DPP10: variants seen among roughly 807,000 people sequenced by gnomAD.
DPP10 encodes the protein inactive dipeptidyl peptidase 10.
DPP10 carries 33 observed loss-of-function variants against 120.9 expected under a neutral mutation model. That is an observed-to-expected ratio of 0.27 (90% CI 0.21 to 0.37). The LOEUF (loss-of-function observed/expected upper bound fraction) is 0.37, where lower values mean the gene tolerates loss of function less well. Ranked by LOEUF, DPP10 falls within the 10% of genes least tolerant of loss-of-function variation. The pLI, the probability that DPP10 is intolerant of heterozygous loss-of-function variation, is 1.00. For missense variants in DPP10, 816 were observed against 942.8 expected, an observed-to-expected ratio of 0.87 and a Z score of 1.76; for synonymous variants, 337 against 326.1, an observed-to-expected ratio of 1.03 and a Z score of -0.36.
At chr2:114,846,855 C>A (rs944830861) in intron 1 of DPP10, among the ~76,000 whole-genome samples, 3 of 152,120 alleles carry the variant, frequency 2.0e-5, no homozygotes, top group East Asian at 1.9e-4. Flanking sequence ...AAGAGGAAAT[C>A]AACTATACAA....
intron 1 of DPP10, among the ~76,000 whole-genome samples, chr2:115,020,617 C>A (rs186943972): frequency 1.3e-5 from 2 of 152,096 alleles, no homozygotes; most frequent in African/African-American, 4.8e-5. Flanking sequence ...GACAGAAACT[C>A]AACAAATGAA....
rs564931520 is a variant in DPP10, at chr2:114,479,890, T to G, written c.60+37052T>G. Among the ~76,000 whole-genome samples, 1,269 of 152,232 alleles carry G rather than the reference T, an allele frequency of 8.3e-3. 9 individuals are homozygous for G. Among genetic ancestry groups the G allele is most frequent in the Admixed American group, 0.013 (198 of 15,282 alleles). Reference sequence around the variant, plus strand: ...GGATCTAATTAAACTAAAGAGCTTATGCACAGCAAAAGAAACCACCATCAG... The same window carrying G: ...GGATCTAATTAAACTAAAGAGCTTAGGCACAGCAAAAGAAACCACCATCAG... On this transcript the variant is annotated intron_variant, in intron 1 of 25. Coordinates refer to ENST00000410059, the MANE Select transcript of DPP10 (RefSeq NM_020868.6).
intron 1 of DPP10, among the ~76,000 whole-genome samples, chr2:114,459,010 T>C (rs1187121040): frequency 6.6e-6 from 1 of 152,244 alleles, no homozygotes; most frequent in East Asian, 1.9e-4. Flanking sequence ...TTCTGACTGA[T>C]ATTTTACTAT....
chr2:114,933,086 T>TA (rs1387944325), intron 1 of DPP10, among the ~76,000 whole-genome samples: 55 of 152,058 alleles, frequency 3.6e-4, no homozygotes, highest in Non-Finnish European at 6.8e-4. Flanking sequence ...TCCTCTTTTT[T>TA]TAAAAAAAAC....
rs531500442 is a variant in DPP10 at position 115,032,636 on chromosome 2, T to C, written c.61-276603T>C. The stretch of plus-strand genomic sequence containing the variant: ...TGGCTCACTCCTGTAATCCCAGCAC[T>C]TTGGGAGGCCGAGGTGGGTGGATCA... On this transcript the variant is annotated intron_variant, in intron 1 of 25. Transcript: ENST00000410059. 8.2e-4 allele frequency among the ~76,000 whole-genome samples: 124 copies of C among 152,046 alleles called. 1 individual carries two copies. Among genetic ancestry groups the C allele is most frequent in the African/African-American group, 2.9e-3 (119 of 41,498 alleles).
At chr2:115,605,330 A>C (rs1010537713) in intron 5 of DPP10, among the ~76,000 whole-genome samples, 1 of 152,104 alleles carries the variant, frequency 6.6e-6, no homozygotes, top group Admixed American at 6.5e-5. Flanking sequence ...TAATTTTTCT[A>C]AGATGAACAA....
intron 1 of DPP10, among the ~76,000 whole-genome samples, chr2:114,533,334 A>G (rs189741859): frequency 1.4e-4 from 22 of 152,248 alleles, no homozygotes; most frequent in African/African-American, 5.3e-4. Flanking sequence ...TTGGCTTATT[A>G]TTAAGTATTA....
intron 1 of DPP10, among the ~76,000 whole-genome samples, chr2:114,498,215 A>G (rs1486662694): frequency 6.6e-6 from 1 of 152,152 alleles, no homozygotes; most frequent in African/African-American, 2.4e-5. Flanking sequence ...TGTGCAACAC[A>G]TTGCTGACTA....
At chr2:115,348,548 A>G (rs1227287027) in intron 3 of DPP10, among the ~76,000 whole-genome samples, 1 of 151,930 alleles carries the variant, frequency 6.6e-6, no homozygotes, top group Non-Finnish European at 1.5e-5. Flanking sequence ...GGTTTGTTAC[A>G]TGGGTATCCT....
chr2:115,568,035 A>T (rs903329354), intron 5 of DPP10, among the ~76,000 whole-genome samples: 2 of 152,086 alleles, frequency 1.3e-5, no homozygotes, highest in African/African-American at 4.8e-5. Flanking sequence ...AAAATTAGCC[A>T]GGCATAGTGG....
chr2:115,352,988 A>G (rs2064135307), intron 3 of DPP10, among the ~76,000 whole-genome samples: 2 of 152,004 alleles, frequency 1.3e-5, no homozygotes. Flanking sequence ...TGACTAATAT[A>G]TACATGTACC....
At chr2:115,549,329 C>T (rs1158358216) in intron 5 of DPP10, among the ~76,000 whole-genome samples, 1 of 152,120 alleles carries the variant, frequency 6.6e-6, no homozygotes, top group Non-Finnish European at 1.5e-5. Context: ...TCAGTCTTCT[C>T]CCAGTCCAAC....
intron 1 of DPP10, among the ~76,000 whole-genome samples, chr2:114,467,035 T>TC (rs1220666861): frequency 2.5e-5 from 2 of 79,278 alleles, no homozygotes; most frequent in African/African-American, 9.1e-5. Flanking sequence ...AGACTCCATA[T>TC]CCAAAAAAAA....
intron 5 of DPP10, among the ~76,000 whole-genome samples, chr2:115,633,755 G>A (rs1558955867): frequency 6.6e-6 from 1 of 152,034 alleles, no homozygotes; most frequent in South Asian, 2.1e-4. Flanking sequence ...TGATGATTAT[G>A]TGTCTTGGGG....
At chr2:115,746,962 G>A (rs908106482) in intron 10 of DPP10, among the ~76,000 whole-genome samples, 2 of 152,142 alleles carry the variant, frequency 1.3e-5, no homozygotes, top group Non-Finnish European at 2.9e-5. Context: ...AGGGTGATTG[G>A]TTCCCACAGA....
At chr2:114,922,127 A>G (rs546576990) in intron 1 of DPP10, among the ~76,000 whole-genome samples, 6 of 152,312 alleles carry the variant, frequency 3.9e-5, no homozygotes, top group African/African-American at 1.4e-4. Context: ...TTTAATTTTC[A>G]GTGTAAAATT....
chr2:115,333,890 C>A (rs2062922263), intron 2 of DPP10, among the ~76,000 whole-genome samples: 1 of 151,600 alleles, frequency 6.6e-6, no homozygotes, highest in African/African-American at 2.4e-5. Flanking sequence ...GTGTATCTGA[C>A]AATTATGTGT....
intron 2 of DPP10, 122 bp from the exon 3 acceptor site, chr2:115,343,695 G>A: frequency 4.1e-6 from 2 of 490,012 alleles, no homozygotes; most frequent in East Asian, 3.5e-5. Flanking sequence ...ATGTCAAAAT[G>A]GTCACTTTAT....
At chr2:114,644,086 C>T (rs1695928393) in intron 1 of DPP10, among the ~76,000 whole-genome samples, 1 of 149,166 alleles carries the variant, frequency 6.7e-6, no homozygotes, top group African/African-American at 2.5e-5. Flanking sequence ...AGGTGCCCGC[C>T]ACCATGCCCA....
Sources: gnomAD v4.1 joint callset for allele counts (sites outside exome capture counted in the v4.1 genomes callset) on GRCh38, gnomAD v4.1.1 for gene constraint, MANE v1.5 for transcripts, NCBI Gene and HGNC (gene_info 2026-07-23, HGNC 2026-07-21) for gene names.